The following NUTF2 variants were observed in gnomAD, a reference collection of about 807,000 sequenced individuals.
The protein encoded by NUTF2 is nuclear transport factor 2, also known as placental protein 15.
Under a neutral mutation model 18.5 loss-of-function variants are expected in NUTF2, and 3 were observed. The observed-to-expected ratio is 0.16, with a 90% CI of 0.07 to 0.42. The LOEUF (loss-of-function observed/expected upper bound fraction) is 0.42. NUTF2 is among the 10% of genes least tolerant of loss of function. The pLI is 0.99. For synonymous variants in NUTF2, 51 were observed against 57.9 expected (o/e 0.88, Z 0.54); for missense variants, 44 against 160.7 (o/e 0.27, Z 3.93).
At chr16:67,858,950 C>T (rs2057916084) in intron 1 of NUTF2, among the ~76,000 whole-genome samples, 1 of 151,832 alleles carries the variant, frequency 6.6e-6, no homozygotes, top group Non-Finnish European at 1.5e-5. Flanking sequence ...CATCCTCCTA[C>T]CTCAGCCTCC....
intron 1 of NUTF2, among the ~76,000 whole-genome samples, chr16:67,850,699 G>A (rs753357918): frequency 4.4e-4 from 67 of 152,186 alleles, no homozygotes; most frequent in Non-Finnish European, 2.5e-4. Flanking sequence ...CCTGGCATGC[G>A]GTGGTTGGGA....
chr16:67,868,972 G>A (rs1164721851), intron 4 of NUTF2: 2 of 179,128 alleles, frequency 1.1e-5, no homozygotes, highest in African/African-American at 4.8e-5. Context: ...AAGGTGGACA[G>A]GCTAGCTGGG....
At chr16:67,866,247 A>AT (rs2057970383) in intron 2 of NUTF2, among the ~76,000 whole-genome samples, 1 of 151,618 alleles carries the variant, frequency 6.6e-6, no homozygotes, top group South Asian at 2.1e-4. Flanking sequence ...AAATAATGAA[A>AT]TTTTATTAGT....
intron 1 of NUTF2, among the ~76,000 whole-genome samples, chr16:67,849,864 T>C (rs952656150): frequency 6.6e-6 from 1 of 152,046 alleles, no homozygotes; most frequent in Non-Finnish European, 1.5e-5. Context: ...TTCACCGTGT[T>C]AGCCAGGATG....
In NUTF2 at chr16:67,872,050, T is replaced by G. The variant is rs1300072115; in HGVS notation, c.*1137T>G. The G allele has an allele frequency of 6.6e-6, 1 of 152,372 alleles. No homozygotes were observed. Among genetic ancestry groups the G allele is most frequent in the African/African-American group, 2.4e-5 (1 of 41,478 alleles). 9.4% of individuals were successfully genotyped at this position (152,372 alleles called of 1,614,324 possible). A position where few individuals can be genotyped will look rare whatever the true frequency, so the allele number is the denominator to read the frequency against. On this transcript the variant is annotated 3_prime_UTR_variant, in exon 5 of 5. Coordinates refer to ENST00000219169, the MANE Select transcript of NUTF2 (RefSeq NM_005796.3). Reference sequence around the variant, plus strand: ...TCCTCAGCATACAGACTTCATGCTATCTTCCAATTCCGGGGAGTCTTAGCT... The same window carrying G: ...TCCTCAGCATACAGACTTCATGCTAGCTTCCAATTCCGGGGAGTCTTAGCT...
chr16:67,870,606 A>G, intron 4 of NUTF2, 194 bp from the exon 5 acceptor site: 1 of 596,444 alleles, frequency 1.7e-6, no homozygotes, highest in Non-Finnish European at 3.0e-6. Context: ...TTGTTGGCCT[A>G]CATGTGCCCA....
chr16:67,865,108 G>T lies in NUTF2; in HGVS notation c.-23G>T, dbSNP rs764793421. On this transcript the variant is annotated 5_prime_UTR_variant, in exon 2 of 5. Coordinates refer to ENST00000219169, the MANE Select transcript of NUTF2 (RefSeq NM_005796.3). Reference sequence around the variant, plus strand: ...GGTCTCATTGGTCTTGCAGGTCTCCGTGAGGCCGGGTGACGCTCCAGAATG... The same window carrying T: ...GGTCTCATTGGTCTTGCAGGTCTCCTTGAGGCCGGGTGACGCTCCAGAATG... The T allele has an allele frequency of 2.5e-6, 4 of 1,571,706 alleles. No homozygotes were observed. In the East Asian group the frequency reaches 6.7e-5, roughly 26 times the overall value.
intron 1 of NUTF2, among the ~76,000 whole-genome samples, chr16:67,860,686 A>T (rs1190300883): frequency 1.3e-5 from 2 of 152,238 alleles, no homozygotes; most frequent in African/African-American, 4.8e-5. Context: ...TGTGGAGGAT[A>T]GCCACGACTG....
intron 1 of NUTF2, among the ~76,000 whole-genome samples, chr16:67,849,192 A>G (rs1237953804): frequency 2.6e-5 from 4 of 152,238 alleles, no homozygotes; most frequent in Admixed American, 2.6e-4. Flanking sequence ...CCACAGGACA[A>G]TGAGGTGAAA....
At chr16:67,863,456 T>C (rs568730617) in intron 1 of NUTF2, among the ~76,000 whole-genome samples, 36 of 152,174 alleles carry the variant, frequency 2.4e-4, no homozygotes, top group Non-Finnish European at 3.1e-4. Flanking sequence ...TCTCACTCTT[T>C]CCCTACACGA....
intron 1 of NUTF2, among the ~76,000 whole-genome samples, chr16:67,854,345 AGTT>A (rs760020352): frequency 1.7e-4 from 26 of 152,274 alleles, no homozygotes; most frequent in Non-Finnish European, 2.6e-4. Context: ...AGTGCCCAAT[AGTT>A]GTTCCTGTGG....
At chr16:67,867,115 G>A (rs1428757770) in intron 2 of NUTF2, among the ~76,000 whole-genome samples, 1 of 151,876 alleles carries the variant, frequency 6.6e-6, no homozygotes, top group Non-Finnish European at 1.5e-5. Context: ...GGGGTTACAG[G>A]CACGCACCAC....
intron 1 of NUTF2, among the ~76,000 whole-genome samples, chr16:67,863,457 C>A (rs1199080007): frequency 6.6e-6 from 1 of 152,188 alleles, no homozygotes; most frequent in Non-Finnish European, 1.5e-5. Flanking sequence ...CTCACTCTTT[C>A]CCTACACGAT....
intron 1 of NUTF2, among the ~76,000 whole-genome samples, chr16:67,858,290 C>A (rs1044691471): frequency 6.6e-6 from 1 of 152,206 alleles, no homozygotes; most frequent in Non-Finnish European, 1.5e-5. Flanking sequence ...ACCTCAGCCT[C>A]CCGAGTAGCT....
chr16:67,859,246 C>T (rs1567381619), intron 1 of NUTF2, among the ~76,000 whole-genome samples: 1 of 151,836 alleles, frequency 6.6e-6, no homozygotes, highest in Non-Finnish European at 1.5e-5. Context: ...GTGGGGTGTT[C>T]TCAGCACACT....
chr16:67,847,309 C>T (rs1309347844), intron 1 of NUTF2: 2 of 152,400 alleles, frequency 1.3e-5, no homozygotes, highest in Non-Finnish European at 2.9e-5. Context: ...CTTAGGGCCC[C>T]GCCCCGTCTA....
At chr16:67,859,254 A>G (rs1201205796) in intron 1 of NUTF2, among the ~76,000 whole-genome samples, 4 of 151,622 alleles carry the variant, frequency 2.6e-5, no homozygotes, top group Non-Finnish European at 5.9e-5. Context: ...TTCTCAGCAC[A>G]CTGCAACCTC....
intron 1 of NUTF2, among the ~76,000 whole-genome samples, chr16:67,857,418 A>G (rs2057905089): frequency 1.3e-5 from 2 of 152,160 alleles, no homozygotes; most frequent in African/African-American, 2.4e-5. Context: ...CCAGGAAAGG[A>G]TTCTGTCTTG....
At chr16:67,864,085 G>A (rs1442814777) in intron 1 of NUTF2, among the ~76,000 whole-genome samples, 1 of 152,180 alleles carries the variant, frequency 6.6e-6, no homozygotes, top group Non-Finnish European at 1.5e-5. Context: ...CATGTCCCCA[G>A]CTCTGAAGTG....
Sources: gnomAD v4.1 joint callset for allele counts (sites outside exome capture counted in the v4.1 genomes callset) on GRCh38, gnomAD v4.1.1 for gene constraint, MANE v1.5 for transcripts, NCBI Gene and HGNC (gene_info 2026-07-23, HGNC 2026-07-21) for gene names.